The following AGPAT4 variants were observed in gnomAD, a reference collection of about 807,000 sequenced individuals.
The protein encoded by AGPAT4 is 1-acyl-sn-glycerol-3-phosphate acyltransferase delta.
A neutral mutation model predicts 48.0 loss-of-function variants in AGPAT4; 15 were observed. That is an observed-to-expected ratio of 0.31 (90% CI 0.21 to 0.48). AGPAT4 has a LOEUF of 0.48. Among genes scored for constraint, AGPAT4 ranks in the 20% least tolerant of loss-of-function variants. The pLI, the probability that AGPAT4 is intolerant of heterozygous loss-of-function variation, is 0.99. For synonymous variants in AGPAT4, 178 were observed against 198.7 expected (o/e 0.90, Z 0.88); for missense variants, 314 against 482.5 (o/e 0.65, Z 3.27).
rs1048267802 is a variant in AGPAT4 at position 161,180,398 on chromosome 6, C to T, written c.179-13981G>A. On this transcript the variant is annotated intron_variant, in intron 2 of 8. Transcript: ENST00000320285. This position sits in a 1 kb window ranked among gnomAD's most constrained non-coding sequence, Gnocchi z 6.4. ...GCTGATGGGAGCCTTGAGGAGTACA[C>T]AGTTCACTGTTCAAGCACACGCCAA... is the stretch of plus-strand genomic sequence containing the variant. 1.5e-4 allele frequency among the ~76,000 whole-genome samples: 23 copies of T among 152,164 alleles called. No individual in the cohort carries two copies. The highest frequency in any genetic ancestry group is 5.5e-4 in the African/African-American group (23 of 41,448).
At chr6:161,191,645 G>A (rs1428324734) in intron 2 of AGPAT4, among the ~76,000 whole-genome samples, 1 of 152,190 alleles carries the variant, frequency 6.6e-6, no homozygotes, top group Non-Finnish European at 1.5e-5. Context: ...TGATTAATTA[G>A]ATTAAAAGTA....
Position 161,139,810 on chromosome 6 carries a change from G to A in AGPAT4, c.844-190C>T, listed in dbSNP as rs1319244276. On this transcript the variant is annotated intron_variant, in intron 7 of 8. Transcript: ENST00000320285. The surrounding 1 kb of genome is among the most constrained non-coding windows in gnomAD (Gnocchi z 9.1). ...TGTCTTCTCAAAGCTGCATCTGGCC[G>A]CCCCTCCCACAGGGACACTGGGAGT... Among the ~76,000 whole-genome samples the A allele has an allele frequency of 2.0e-5, 3 of 152,202 alleles. No homozygotes were observed. Among genetic ancestry groups the A allele is most frequent in the Non-Finnish European group, 4.4e-5 (3 of 68,046 alleles).
rs537606762 is a variant in AGPAT4, at chr6:161,195,769, G to T, written c.179-29352C>A. 1.3e-5 allele frequency among the ~76,000 whole-genome samples: 2 copies of T among 152,220 alleles called. No individual in the cohort carries two copies. The highest frequency in any genetic ancestry group is 2.9e-5 in the Non-Finnish European group (2 of 68,042). On this transcript the variant is annotated intron_variant, in intron 2 of 8. Coordinates refer to ENST00000320285, the MANE Select transcript of AGPAT4 (RefSeq NM_020133.3). The surrounding 1 kb of genome is among the most constrained non-coding windows in gnomAD (Gnocchi z 5.0). ...AGAGAACCTGGAGACATTTAGGGAG[G>T]CATGCCACACCCTCGGGGCTCGTCA...
Position 161,201,066 on chromosome 6 carries a change from G to A in AGPAT4, c.178+30970C>T, listed in dbSNP as rs1376268547. Among the ~76,000 whole-genome samples the A allele has an allele frequency of 1.3e-5, 2 of 152,144 alleles. No homozygotes were observed. Among genetic ancestry groups the A allele is most frequent in the East Asian group, 1.9e-4 (1 of 5,184 alleles). On this transcript the variant is annotated intron_variant, in intron 2 of 8. Transcript: ENST00000320285. This position sits in a 1 kb window ranked among gnomAD's most constrained non-coding sequence, Gnocchi z 6.0. ...CTGCCACCACGATTACAGCTCAGCCGAGGAAGTCATCATGAGCCGTGCGGT... is the reference window on the plus strand; with the variant it reads ...CTGCCACCACGATTACAGCTCAGCCAAGGAAGTCATCATGAGCCGTGCGGT...
rs1413787864 is a variant in AGPAT4 at position 161,194,626 on chromosome 6, GTATGTGTA to G, written c.179-28217_179-28210del. 2.2e-3 allele frequency among the ~76,000 whole-genome samples: 287 copies of G among 128,478 alleles called. 1 individual carries two copies. Among genetic ancestry groups the G allele is most frequent in the African/African-American group, 7.7e-3 (277 of 35,914 alleles). The allele number at this position is 128,478 out of a possible 152,430, so 84.3% of individuals were successfully genotyped here. A position where few individuals can be genotyped will look rare whatever the true frequency, so the allele number is the denominator to read the frequency against. On this transcript the variant is annotated intron_variant, in intron 2 of 8. Transcript: ENST00000320285. ...TGTGTCTATGTATGTGTACATGTGT[GTATGTGTA>G]TGTGTGTATGTGTATGTATGTATGT...
chr6:161,205,728 T>C (rs1233499491), intron 2 of AGPAT4, among the ~76,000 whole-genome samples: 1 of 87,398 alleles, frequency 1.1e-5, no homozygotes, highest in Non-Finnish European at 2.3e-5. Context: ...CACAGAAAGG[T>C]TGAAATTACA....
Position 161,149,301 on chromosome 6 carries a change from AAAAC to A in AGPAT4, c.665-16_665-13del, listed in dbSNP as rs1289539902. On this transcript the variant is annotated splice_polypyrimidine_tract_variant and intron_variant, in intron 5 of 8. Coordinates refer to ENST00000320285, the MANE Select transcript of AGPAT4 (RefSeq NM_020133.3). This position sits in a 1 kb window ranked among gnomAD's most constrained non-coding sequence, Gnocchi z 6.5. ...ATATACAGCTGAAACTATAAAAAAT[AAAAC>A]AAATACAAAGCAGTATATAGCGTGT... is the stretch of plus-strand genomic sequence containing the variant. 6.2e-7 allele frequency: 1 copy of A among 1,604,800 alleles called. No homozygotes were observed. The highest frequency in any genetic ancestry group is 8.5e-7 in the Non-Finnish European group (1 of 1,178,434).
In AGPAT4 at chr6:161,184,953, C is replaced by T. The variant is rs753742191; in HGVS notation, c.179-18536G>A. Reference sequence around the variant, plus strand: ...GGGAGGAGTAGGTTAAACGCCCTCACGATGAGCACCCACACACCCAGAGCA... The same window carrying T: ...GGGAGGAGTAGGTTAAACGCCCTCATGATGAGCACCCACACACCCAGAGCA... On this transcript the variant is annotated intron_variant, in intron 2 of 8. Transcript: ENST00000320285. This position sits in a 1 kb window ranked among gnomAD's most constrained non-coding sequence, Gnocchi z 4.8. Among the ~76,000 whole-genome samples the T allele has an allele frequency of 1.3e-5, 2 of 152,002 alleles. No homozygotes were observed. The highest frequency in any genetic ancestry group is 4.8e-5 in the African/African-American group (2 of 41,376).
Position 161,169,997 on chromosome 6 carries a change from C to G in AGPAT4, c.179-3580G>C, listed in dbSNP as rs1173491365. 1.3e-5 allele frequency among the ~76,000 whole-genome samples: 2 copies of G among 152,230 alleles called. No homozygotes were observed. The highest frequency in any genetic ancestry group is 6.5e-5 in the Admixed American group (1 of 15,286). On this transcript the variant is annotated intron_variant, in intron 2 of 8. Transcript: ENST00000320285. The surrounding 1 kb of genome is among the most constrained non-coding windows in gnomAD (Gnocchi z 5.0). The stretch of plus-strand genomic sequence containing the variant: ...TTCCCCTGGATCCCCGCCAGCTTCT[C>G]TGAATCCCAGGCCAGGTGGTTGTAT...
intron 4 of AGPAT4, 146 bp from the exon 5 acceptor site, chr6:161,153,645 G>C: frequency 1.0e-6 from 1 of 990,522 alleles, no homozygotes; most frequent in African/African-American, 1.6e-5. Flanking sequence ...ACAGCCCTGA[G>C]GTCACACACA....
intron 5 of AGPAT4, among the ~76,000 whole-genome samples, chr6:161,152,258 G>A (rs1336956726): frequency 6.6e-6 from 1 of 152,194 alleles, no homozygotes; most frequent in Non-Finnish European, 1.5e-5. Context: ...AGAAGAAACT[G>A]GTTAACAGGG....
At chr6:161,199,654 G>A (rs1781168656) in intron 2 of AGPAT4, among the ~76,000 whole-genome samples, 1 of 152,148 alleles carries the variant, frequency 6.6e-6, no homozygotes, top group East Asian at 1.9e-4. Context: ...GGACCATGGG[G>A]TGGATTTCCC....
chr6:161,228,178 A>G (rs984031201), intron 2 of AGPAT4, among the ~76,000 whole-genome samples: 9 of 152,210 alleles, frequency 5.9e-5, no homozygotes, highest in Non-Finnish European at 1.2e-4. Flanking sequence ...CTCATTCTGC[A>G]TTATGAAGCA....
chr6:161,188,170 C>T (rs1780823544), intron 2 of AGPAT4, among the ~76,000 whole-genome samples: 2 of 152,292 alleles, frequency 1.3e-5, no homozygotes, highest in South Asian at 2.1e-4. Context: ...ATAATTTTTA[C>T]AGGCAGAAAT....
intron 2 of AGPAT4, among the ~76,000 whole-genome samples, chr6:161,176,380 C>T (rs577574854): frequency 6.6e-6 from 1 of 152,154 alleles, no homozygotes; most frequent in African/African-American, 2.4e-5. Flanking sequence ...GATCCCTTCA[C>T]CATTATGTAA....
At chr6:161,263,926 G>A (rs1343064653) in intron 1 of AGPAT4, among the ~76,000 whole-genome samples, 1 of 152,196 alleles carries the variant, frequency 6.6e-6, no homozygotes, top group Non-Finnish European at 1.5e-5. Flanking sequence ...AAATCACAGT[G>A]TGCTCAGGCA....
rs570177423 is a variant in AGPAT4, at chr6:161,220,493, T to C, written c.178+11543A>G. Among the ~76,000 whole-genome samples, 1 of 152,332 alleles carries C rather than the reference T, an allele frequency of 6.6e-6. No individual in the cohort carries two copies. Among genetic ancestry groups the C allele is most frequent in the African/African-American group, 2.4e-5 (1 of 41,578 alleles). On this transcript the variant is annotated intron_variant, in intron 2 of 8. Coordinates refer to ENST00000320285, the MANE Select transcript of AGPAT4 (RefSeq NM_020133.3). The surrounding 1 kb of genome is among the most constrained non-coding windows in gnomAD (Gnocchi z 6.0). ...GAAGTATATGGAACAACAGAACGGA[T>C]GGCCTTGGTGAGATGACTTCATTTT... is the stretch of plus-strand genomic sequence containing the variant.
chr6:161,170,007 G>T (rs573728566), intron 2 of AGPAT4, among the ~76,000 whole-genome samples: 2 of 152,142 alleles, frequency 1.3e-5, no homozygotes, highest in African/African-American at 2.4e-5. Flanking sequence ...CTGAATCCCA[G>T]GCCAGGTGGT....
At chr6:161,163,797 C>A (rs1328417795) in intron 3 of AGPAT4, among the ~76,000 whole-genome samples, 4 of 152,198 alleles carry the variant, frequency 2.6e-5, no homozygotes, top group African/African-American at 7.2e-5. Flanking sequence ...CCCAAGGCCC[C>A]CACTGAGCAA....
Sources: gnomAD v4.1 joint callset for allele counts (sites outside exome capture counted in the v4.1 genomes callset) on GRCh38, gnomAD v4.1.1 for gene constraint, Gnocchi (gnomAD v3.1) non-coding constraint, MANE v1.5 for transcripts, NCBI Gene and HGNC (gene_info 2026-07-23, HGNC 2026-07-21) for gene names.